Variants in NELL1 observed in about 807,000 individuals in gnomAD.
The protein encoded by NELL1 is neural EGFL like 1, also known as protein kinase C-binding protein NELL1.
In NELL1, 76 loss-of-function variants were observed where a neutral mutation model predicts 107.4. The observed-to-expected ratio is 0.71, with a 90% CI of 0.59 to 0.86. The LOEUF (loss-of-function observed/expected upper bound fraction) is 0.86. Among genes scored for constraint, NELL1 ranks in the 40% least tolerant of loss-of-function variants. The pLI is 0.00. For synonymous variants in NELL1, 353 were observed against 341.2 expected, an observed-to-expected ratio of 1.03 and a Z score of -0.38; for missense variants, 1,024 against 1,005.5, an observed-to-expected ratio of 1.02 and a Z score of -0.25.
At chr11:21,257,247 T>A (rs1453058976) in intron 14 of NELL1, among the ~76,000 whole-genome samples, 1 of 152,022 alleles carries the variant, frequency 6.6e-6, no homozygotes, top group Non-Finnish European at 1.5e-5. Flanking sequence ...CAAAGTGAGA[T>A]GCCACACCAC....
intron 12 of NELL1, among the ~76,000 whole-genome samples, chr11:21,086,158 A>G (rs1854386769): frequency 6.6e-6 from 1 of 152,230 alleles, no homozygotes; most frequent in South Asian, 2.1e-4. Context: ...GGGCTGTGTC[A>G]TACCCTAACA....
chr11:21,470,914 T>G (rs1207104144), intron 15 of NELL1, among the ~76,000 whole-genome samples: 1 of 152,120 alleles, frequency 6.6e-6, no homozygotes, highest in African/African-American at 2.4e-5. Context: ...TAGTGGTATC[T>G]TCACCATGGT....
At chr11:21,122,836 C>T (rs1440640754) in intron 13 of NELL1, among the ~76,000 whole-genome samples, 2 of 152,152 alleles carry the variant, frequency 1.3e-5, no homozygotes, top group African/African-American at 2.4e-5. Context: ...CATCAAATGA[C>T]TCAACTGGCT....
intron 4 of NELL1, among the ~76,000 whole-genome samples, chr11:20,860,119 C>G (rs769190652): frequency 5.3e-5 from 8 of 152,190 alleles, no homozygotes; most frequent in Non-Finnish European, 8.8e-5. Context: ...CACAGAACCT[C>G]TCTTCACAAT....
chr11:21,142,780 C>G (rs10500892), intron 13 of NELL1, among the ~76,000 whole-genome samples: 25,760 of 152,172 alleles, frequency 0.17, 2,680 homozygotes, highest in Middle Eastern at 0.3. Flanking sequence ...GTCTTCTCAT[C>G]TGCAAAAGGA....
chr11:20,837,622 T>C (rs1167550435), intron 3 of NELL1, among the ~76,000 whole-genome samples: 1 of 152,076 alleles, frequency 6.6e-6, no homozygotes, highest in Non-Finnish European at 1.5e-5. Flanking sequence ...TTGAGCATCT[T>C]GTAGTACTAG....
intron 15 of NELL1, among the ~76,000 whole-genome samples, chr11:21,488,317 C>G (rs1854697379): frequency 6.6e-6 from 1 of 151,682 alleles, no homozygotes. Flanking sequence ...AAGAAATAAA[C>G]TTCTTCTATT....
intron 12 of NELL1, among the ~76,000 whole-genome samples, chr11:20,973,719 GTCC>G (rs1225871125): frequency 3.1e-4 from 47 of 152,290 alleles, no homozygotes; most frequent in African/African-American, 1.1e-3. Flanking sequence ...GAAACCTCGT[GTCC>G]TCCTTTTAGG....
chr11:21,257,792 CT>C (rs1251044631), intron 14 of NELL1, among the ~76,000 whole-genome samples: 2 of 152,066 alleles, frequency 1.3e-5, no homozygotes, highest in East Asian at 3.9e-4. Flanking sequence ...TGAATGAGAG[CT>C]GTTGCTCATG....
intron 1 of NELL1, among the ~76,000 whole-genome samples, chr11:20,676,656 GAA>G (rs1854066289): frequency 6.6e-6 from 1 of 152,192 alleles, no homozygotes; most frequent in Non-Finnish European, 1.5e-5. Flanking sequence ...TTCCTAACAG[GAA>G]AAGAGTAAGG....
At chr11:21,342,464 G>A (rs1313535274) in intron 14 of NELL1, among the ~76,000 whole-genome samples, 5 of 150,140 alleles carry the variant, frequency 3.3e-5, no homozygotes, top group Admixed American at 6.7e-5. Flanking sequence ...GGGCAACATA[G>A]CAAGACCACA....
At chr11:21,366,283 A>G (rs557348613) in intron 14 of NELL1, among the ~76,000 whole-genome samples, 34 of 152,234 alleles carry the variant, frequency 2.2e-4, no homozygotes, top group African/African-American at 7.0e-4. Context: ...GAAGTAAGGA[A>G]AACTGATAAT....
chr11:21,337,811 GCTTTCCTTCTTTCTTTCTTTCTTTCTTTT>G, intron 14 of NELL1, among the ~76,000 whole-genome samples: 1 of 31,012 alleles, frequency 3.2e-5, no homozygotes, highest in Non-Finnish European at 7.0e-5. Flanking sequence ...TTTCTTTCTT[GCTTTCCTTCTTTCTTTCTTTCTTTCTTTT>G]CTTTCTTTCT....
At chr11:21,501,808 C>T (rs1367862975) in intron 15 of NELL1, among the ~76,000 whole-genome samples, 1 of 152,066 alleles carries the variant, frequency 6.6e-6, no homozygotes, top group Middle Eastern at 3.2e-3. Context: ...AGCATTATTT[C>T]TAAAAAAGTA....
intron 16 of NELL1, among the ~76,000 whole-genome samples, chr11:21,538,009 A>G (rs374289444): frequency 6.6e-5 from 10 of 152,280 alleles, no homozygotes; most frequent in South Asian, 4.1e-4. Flanking sequence ...GGATCTTAAT[A>G]ACATAGCTTA....
intron 15 of NELL1, among the ~76,000 whole-genome samples, chr11:21,455,320 CTTTTT>C (rs34607165): frequency 1.3e-5 from 1 of 77,216 alleles, no homozygotes; most frequent in Non-Finnish European, 2.3e-5. Flanking sequence ...TTCTTTTATT[CTTTTT>C]TTTTTTTTTT....
chr11:21,044,908 A>G (rs1853320169), intron 12 of NELL1, among the ~76,000 whole-genome samples: 1 of 152,098 alleles, frequency 6.6e-6, no homozygotes, highest in Non-Finnish European at 1.5e-5. Context: ...ATATGTAGTA[A>G]TGTCCCTCTG....
At chr11:21,030,622 ATTTTTTTTTTT>A (rs201033870) in intron 12 of NELL1, among the ~76,000 whole-genome samples, 16 of 120,128 alleles carry the variant, frequency 1.3e-4, no homozygotes, top group South Asian at 8.3e-4. Context: ...ATTTTCTTGT[ATTTTTTTTTTT>A]TTTTTTTTTA....
At chr11:20,820,975 T>A (rs1213084433) in intron 3 of NELL1, among the ~76,000 whole-genome samples, 3 of 152,250 alleles carry the variant, frequency 2.0e-5, no homozygotes, top group Non-Finnish European at 2.9e-5. Flanking sequence ...TTTGGCTTGT[T>A]CACTGCTATA....
Sources: gnomAD v4.1 joint callset for allele counts (sites outside exome capture counted in the v4.1 genomes callset) on GRCh38, gnomAD v4.1.1 for gene constraint, MANE v1.5 for transcripts, NCBI Gene and HGNC (gene_info 2026-07-23, HGNC 2026-07-21) for gene names.